Variants in NFIB observed in about 807,000 individuals in gnomAD.
NFIB encodes the protein nuclear factor I B.
NFIB carries 11 observed loss-of-function variants against 61.5 expected under a neutral mutation model. The observed-to-expected ratio is 0.18, with a 90% CI of 0.11 to 0.30. The LOEUF (loss-of-function observed/expected upper bound fraction) is 0.30, where lower values mean the gene tolerates loss of function less well. Ranked by LOEUF, NFIB falls within the 10% of genes least tolerant of loss-of-function variation. NFIB has a pLI of 1.00. For missense variants in NFIB, 471 were observed against 608.9 expected (o/e 0.77, Z 2.38); for synonymous variants, 260 against 216.5 (o/e 1.20, Z -1.76).
At chr9:14,367,152 A>C (rs1378291009) in intron 1 of NFIB, among the ~76,000 whole-genome samples, 1 of 152,198 alleles carries the variant, frequency 6.6e-6, no homozygotes, top group Non-Finnish European at 1.5e-5. Context: ...CAGGTGCTCT[A>C]CTTGGGTATG....
chr9:14,345,132 C>T (rs1162887149), intron 1 of NFIB, among the ~76,000 whole-genome samples: 1 of 152,078 alleles, frequency 6.6e-6, no homozygotes, highest in Non-Finnish European at 1.5e-5. Context: ...CGGAAGTGAG[C>T]GTGTTGAAGG....
In NFIB at chr9:14,120,447, G is replaced by C. The variant is rs766421992; in HGVS notation, c.1238C>G (p.Thr413Ser). Residue 413 changes from threonine (T) to serine (S), a missense_variant, in exon 8 of 11, where the codon ACC (threonine) becomes AGC (serine). By Grantham distance (58) the Thr-to-Ser change is moderately conservative. Coordinates refer to ENST00000380953, the MANE Select transcript of NFIB (RefSeq NM_001190737.2). This position sits in a 1 kb window ranked among gnomAD's most constrained non-coding sequence, Gnocchi z 4.4. ...TTTCTCTCTTATTTTTACCTGGCTG[G>C]TTTGTGGACTGGATGGGTCATAAGA... ...VPSYDPSSPQ[T>S]SQPNGSGQVV... is the part of the protein sequence containing the mutation. The C allele has an allele frequency of 6.2e-7, 1 of 1,613,888 alleles. No individual in the cohort carries two copies.
chr9:14,246,052 G>A (rs184148604), intron 2 of NFIB, among the ~76,000 whole-genome samples: 11 of 151,558 alleles, frequency 7.3e-5, no homozygotes, highest in Non-Finnish European at 1.6e-4. Context: ...GAACAGGAAT[G>A]TGTGGTTTTC....
intron 1 of NFIB, chr9:14,321,938 T>C: frequency 8.1e-7 from 1 of 1,231,668 alleles, no homozygotes; most frequent in Non-Finnish European, 1.0e-6. Context: ...CAAAGCCACA[T>C]ACCATCGCAC....
At position 14,085,083 on chromosome 9, in the gene NFIB, G is replaced by C. The variant is rs2032639582; in HGVS notation, c.*3226C>G. On this transcript the variant is annotated 3_prime_UTR_variant, in exon 11 of 11. Transcript: ENST00000380953. Reference sequence around the variant, plus strand: ...GGCTGAGATGATCTGTTTGCTACCAGGGCGAGTATCACAGAAATGATTGGA... The same window carrying C: ...GGCTGAGATGATCTGTTTGCTACCACGGCGAGTATCACAGAAATGATTGGA... The C allele has an allele frequency of 4.4e-6, 1 of 228,954 alleles. No individual in the cohort carries two copies. The highest frequency in any genetic ancestry group is 5.7e-5 in the Admixed American group (1 of 17,600). The allele number at this position is 228,954 out of a possible 1,614,324, so 14.2% of individuals were successfully genotyped here.
intron 7 of NFIB, among the ~76,000 whole-genome samples, chr9:14,125,346 C>T (rs1478970923): frequency 1.3e-5 from 2 of 151,962 alleles, no homozygotes; most frequent in Non-Finnish European, 2.9e-5. Context: ...TTAGTAGAGA[C>T]GGGGTTCCAC....
At chr9:14,199,964 C>T (rs1047324241) in intron 2 of NFIB, among the ~76,000 whole-genome samples, 4 of 152,244 alleles carry the variant, frequency 2.6e-5, no homozygotes, top group East Asian at 3.9e-4. Flanking sequence ...TAGGGAATCA[C>T]GCAGGGAGAA....
chr9:14,417,286 G>A, the NFIB span, among the ~76,000 whole-genome samples: 1 of 152,164 alleles, frequency 6.6e-6, no homozygotes, highest in Non-Finnish European at 1.5e-5. Context: ...ATTGCTTACA[G>A]TATTCAGTAT....
chr9:14,297,149 G>C (rs1011474083), intron 2 of NFIB, among the ~76,000 whole-genome samples: 2 of 152,182 alleles, frequency 1.3e-5, no homozygotes, highest in East Asian at 3.9e-4. Context: ...TAGACGTCTG[G>C]AGAAAACTAA....
chr9:14,456,048 A>G, the NFIB span, among the ~76,000 whole-genome samples: 1 of 152,208 alleles, frequency 6.6e-6, no homozygotes, highest in African/African-American at 2.4e-5. Context: ...ACCTGACCTC[A>G]TATATTGCAG....
chr9:14,505,092 G>A, the NFIB span, among the ~76,000 whole-genome samples: 1 of 152,264 alleles, frequency 6.6e-6, no homozygotes, highest in South Asian at 2.1e-4. Flanking sequence ...AGGTGATCAC[G>A]TGATTTTTGC....
the NFIB span, among the ~76,000 whole-genome samples, chr9:14,410,037 A>G: frequency 6.6e-6 from 1 of 152,112 alleles, no homozygotes; most frequent in Admixed American, 6.5e-5. Context: ...AATGTCTTTT[A>G]TGTGCTCTAG....
At chr9:14,176,094 T>G (rs2046156942) in intron 3 of NFIB, among the ~76,000 whole-genome samples, 1 of 152,108 alleles carries the variant, frequency 6.6e-6, no homozygotes, top group Non-Finnish European at 1.5e-5. Context: ...CAATCACACA[T>G]TTCCTAAAAG....
upstream of NFIB, among the ~76,000 whole-genome samples, chr9:14,402,658 G>A (rs1386794560): frequency 6.6e-6 from 1 of 152,036 alleles, no homozygotes; most frequent in Non-Finnish European, 1.5e-5. Context: ...TTGAAAACAT[G>A]TTCATTTACA....
intron 3 of NFIB, among the ~76,000 whole-genome samples, chr9:14,161,363 T>C (rs934823961): frequency 3.9e-5 from 6 of 152,142 alleles, no homozygotes; most frequent in Admixed American, 1.3e-4. Flanking sequence ...GAATTAAGTG[T>C]ATCTCTCAAT....
At chr9:14,269,851 T>A (rs150251018) in intron 2 of NFIB, among the ~76,000 whole-genome samples, 8 of 152,120 alleles carry the variant, frequency 5.3e-5, no homozygotes, top group African/African-American at 1.9e-4. Context: ...GCAAGCAAAT[T>A]TGCTTTCTCA....
At chr9:14,336,009 A>G (rs1393185366) in intron 1 of NFIB, among the ~76,000 whole-genome samples, 1 of 152,120 alleles carries the variant, frequency 6.6e-6, no homozygotes, top group East Asian at 1.9e-4. Context: ...CTGTTTTTCT[A>G]TTCTGTTTCA....
chr9:14,137,122 A>G (rs2041141938), intron 6 of NFIB, among the ~76,000 whole-genome samples: 1 of 152,186 alleles, frequency 6.6e-6, no homozygotes. Flanking sequence ...TCACAGGATA[A>G]TGGTCTCCCA....
chr9:14,179,635 G>T, intron 3 of NFIB, 92 bp downstream of exon 3: 5 of 1,373,640 alleles, frequency 3.6e-6, no homozygotes, highest in Non-Finnish European at 5.1e-6. Flanking sequence ...AACAAAATAG[G>T]CAGCTGACCA....
Sources: allele counts gnomAD v4.1 joint callset (sites outside exome capture counted in the v4.1 genomes callset), GRCh38; gene constraint gnomAD v4.1.1; non-coding constraint Gnocchi (gnomAD v3.1); transcripts MANE v1.5; gene names NCBI Gene and HGNC (gene_info 2026-07-23, HGNC 2026-07-21).